The following TPTE variants were observed in gnomAD, a reference collection of about 807,000 sequenced individuals.
TPTE encodes the protein putative tyrosine-protein phosphatase TPTE.
A neutral mutation model predicts 84.1 loss-of-function variants in TPTE; 59 were observed. The observed-to-expected ratio is 0.70, with a 90% CI of 0.57 to 0.87. The LOEUF is 0.87. Ranked by LOEUF, TPTE falls within the 40% of genes least tolerant of loss-of-function variation. The pLI is 0.00. For missense variants in TPTE, 382 were observed against 659.6 expected (o/e 0.58, Z 4.61); for synonymous variants, 130 against 223.5 (o/e 0.58, Z 3.73).
rs1265232123 is a variant in TPTE, at chr21:10,536,934, G to A, written c.-43-1747G>A. ...GACAGGGAGCAGCGGGGCCCTTAGG[G>A]AAAACAAACAGAGCTAATGGCCCTG... On this transcript the variant is annotated intron_variant, in intron 3 of 23. Transcript: ENST00000618007. Among the ~76,000 whole-genome samples the A allele has an allele frequency of 5.9e-5, 9 of 152,420 alleles. No homozygotes were observed. In the South Asian group the frequency reaches 1.7e-3, roughly 28 times the overall value.
intron 20 of TPTE, among the ~76,000 whole-genome samples, chr21:10,597,730 T>C (rs210505): frequency 0.19 from 26,101 of 134,002 alleles, 19 homozygotes; most frequent in African/African-American, 0.46. Flanking sequence ...TCCCTAAATA[T>C]TTTTTCTGGA....
intron 8 of TPTE, among the ~76,000 whole-genome samples, chr21:10,557,242 GTACTTTTCCTGGATATGGATT>G (rs1568971527): frequency 1.3e-5 from 2 of 152,304 alleles, no homozygotes; most frequent in Non-Finnish European, 2.9e-5. Flanking sequence ...AGTGTGAACA[GTACTTTTCCTGGATATGGATT>G]TACTGAGTCA....
intron 22 of TPTE, 77 bp from the exon 23 acceptor site, chr21:10,603,485 A>T: frequency 7.2e-7 from 1 of 1,395,498 alleles, no homozygotes; most frequent in South Asian, 1.3e-5. Flanking sequence ...AAAAAGAATA[A>T]AGAAAGGAAC....
At chr21:10,542,543 C>G (rs1403708705) in intron 6 of TPTE, 95 bp downstream of exon 6, 7 of 1,341,286 alleles carry the variant, frequency 5.2e-6, no homozygotes, top group Non-Finnish European at 6.3e-6. Context: ...ATCCATCCAT[C>G]CATCCATCCA....
chr21:10,537,451 G>T (rs1166336987), intron 3 of TPTE, among the ~76,000 whole-genome samples: 1 of 152,296 alleles, frequency 6.6e-6, no homozygotes, highest in East Asian at 1.9e-4. Context: ...GGCCGAGGTG[G>T]GTGGATCACG....
intron 2 of TPTE, among the ~76,000 whole-genome samples, chr21:10,525,297 C>A (rs1452474679): frequency 6.6e-6 from 1 of 152,426 alleles, no homozygotes; most frequent in South Asian, 2.1e-4. Flanking sequence ...TGGAGACAGC[C>A]CACCCTTGCA....
chr21:10,557,676 T>G (rs545434845), intron 8 of TPTE, among the ~76,000 whole-genome samples: 1 of 152,424 alleles, frequency 6.6e-6, no homozygotes, highest in African/African-American at 2.4e-5. Flanking sequence ...AGGGGAAGAT[T>G]AGAAGGATTG....
intron 1 of TPTE, among the ~76,000 whole-genome samples, chr21:10,523,494 C>G (rs80333761): frequency 1.0e-4 from 15 of 146,388 alleles, no homozygotes; most frequent in Admixed American, 1.0e-3. Context: ...TGTTCCCCTT[C>G]CTGGGTCCAC....
chr21:10,523,651 T>C (rs36142925), intron 1 of TPTE, among the ~76,000 whole-genome samples: 1 of 152,308 alleles, frequency 6.6e-6, no homozygotes, highest in Non-Finnish European at 1.5e-5. Flanking sequence ...GGCTGCATAG[T>C]ATTCCATGGT....
chr21:10,556,691 T>C (rs1254928205), intron 8 of TPTE, among the ~76,000 whole-genome samples: 2 of 152,310 alleles, frequency 1.3e-5, no homozygotes, highest in Non-Finnish European at 2.9e-5. Context: ...CTCCACATCC[T>C]CTCCAGCACC....
chr21:10,526,628 A>T (rs1168558091), intron 2 of TPTE, among the ~76,000 whole-genome samples: 1 of 152,302 alleles, frequency 6.6e-6, no homozygotes, highest in East Asian at 1.9e-4. Flanking sequence ...TTAATTCTTG[A>T]GTCTTGGGAG....
intron 22 of TPTE, among the ~76,000 whole-genome samples, chr21:10,603,037 C>A (rs562900748): frequency 6.6e-6 from 1 of 152,308 alleles, no homozygotes; most frequent in African/African-American, 2.4e-5. Flanking sequence ...ATTTAGCTGT[C>A]CCATAGTGAA....
chr21:10,549,240 A>G (rs1293736448), intron 7 of TPTE, among the ~76,000 whole-genome samples: 1 of 152,302 alleles, frequency 6.6e-6, no homozygotes, highest in Admixed American at 6.5e-5. Flanking sequence ...ATACAATTTT[A>G]CTCCATAAAA....
In TPTE at chr21:10,554,505, C is replaced by T. The variant is rs576852055; in HGVS notation, c.233+1789C>T. 3.9e-5 allele frequency among the ~76,000 whole-genome samples: 6 copies of T among 152,428 alleles called. No homozygotes were observed. The South Asian group carries it at 1.2e-3, about 32-fold the overall frequency. On this transcript the variant is annotated intron_variant, in intron 8 of 23. Coordinates refer to ENST00000618007, the MANE Select transcript of TPTE (RefSeq NM_199261.4). The stretch of plus-strand genomic sequence containing the variant: ...ATTAGTAAATATATTTGTTCTAATG[C>T]ATGTTCTTTGACACACCTTCATTTA...
chr21:10,553,191 A>G (rs1158098300), intron 8 of TPTE, among the ~76,000 whole-genome samples: 1 of 152,310 alleles, frequency 6.6e-6, no homozygotes, highest in Non-Finnish European at 1.5e-5. Context: ...TAATCTCACT[A>G]GAGTACTTCC....
intron 13 of TPTE, 38 bp from the exon 14 acceptor site, chr21:10,570,445 CTA>C (rs1179211556): frequency 1.2e-6 from 2 of 1,613,674 alleles, no homozygotes; most frequent in African/African-American, 2.7e-5. Context: ...TGTATGAAAT[CTA>C]TAATAATGTT....
At chr21:10,524,116 A>T (rs1392312629) in intron 1 of TPTE, among the ~76,000 whole-genome samples, 1 of 152,310 alleles carries the variant, frequency 6.6e-6, no homozygotes, top group African/African-American at 2.4e-5. Context: ...AGTTCTTACT[A>T]CAGAACTGAC....
chr21:10,558,958 A>G (rs2074738438), intron 8 of TPTE, among the ~76,000 whole-genome samples: 1 of 152,308 alleles, frequency 6.6e-6, no homozygotes, highest in South Asian at 2.1e-4. Context: ...ATATCTTACT[A>G]AAATGTCTTA....
intron 17 of TPTE, among the ~76,000 whole-genome samples, chr21:10,587,489 A>T (rs1277358954): frequency 6.6e-6 from 1 of 152,254 alleles, no homozygotes; most frequent in Admixed American, 6.5e-5. Flanking sequence ...TTGTTCCTGC[A>T]TTAATTTGCT....
Sources: allele counts gnomAD v4.1 joint callset (sites outside exome capture counted in the v4.1 genomes callset), GRCh38; gene constraint gnomAD v4.1.1; transcripts MANE v1.5; gene names NCBI Gene and HGNC (gene_info 2026-07-23, HGNC 2026-07-21).